Variants in FRMD3 observed in about 807,000 individuals in gnomAD.
FRMD3 encodes FERM domain-containing protein 3.
Under a neutral mutation model 70.2 loss-of-function variants are expected in FRMD3, and 33 were observed. That is an observed-to-expected ratio of 0.47 (90% confidence interval 0.36 to 0.63). The LOEUF is 0.63. Ranked by LOEUF, FRMD3 falls within the 20% of genes least tolerant of loss-of-function variation. FRMD3 has a pLI of 0.00. For synonymous variants in FRMD3, 279 were observed against 255.9 expected, an observed-to-expected ratio of 1.09 and a Z score of -0.86; for missense variants, 632 against 711.4, an observed-to-expected ratio of 0.89 and a Z score of 1.27.
At chr9:83,317,035 C>T (rs1342810174) in intron 6 of FRMD3, among the ~76,000 whole-genome samples, 1 of 151,902 alleles carries the variant, frequency 6.6e-6, no homozygotes, top group Non-Finnish European at 1.5e-5. Flanking sequence ...AAGGTCACTT[C>T]TAAAAAAATT....
intron 1 of FRMD3, among the ~76,000 whole-genome samples, chr9:83,430,405 T>A (rs79403803): frequency 0.038 from 5,766 of 152,250 alleles, 190 homozygotes; most frequent in East Asian, 0.16. Context: ...TCCCTGTACA[T>A]GTGTATAAGT....
At chr9:83,383,103 A>G (rs1825407052) in intron 2 of FRMD3, among the ~76,000 whole-genome samples, 1 of 152,120 alleles carries the variant, frequency 6.6e-6, no homozygotes, top group African/African-American at 2.4e-5. Context: ...GAGGGAGAGG[A>G]CCCCTGAGCC....
the FRMD3 span, among the ~76,000 whole-genome samples, chr9:83,577,362 T>C: frequency 6.6e-6 from 1 of 152,210 alleles, no homozygotes; most frequent in South Asian, 2.1e-4. Flanking sequence ...AGAATAGACA[T>C]GTAGATCCAT....
At chr9:83,569,396 A>G in the FRMD3 span, among the ~76,000 whole-genome samples, 3 of 152,100 alleles carry the variant, frequency 2.0e-5, no homozygotes, top group Admixed American at 2.0e-4. Flanking sequence ...CCCCAACCCA[A>G]TCTAAAGTGT....
chr9:83,459,363 C>A (rs139795919), intron 1 of FRMD3, among the ~76,000 whole-genome samples: 1 of 152,324 alleles, frequency 6.6e-6, no homozygotes, highest in East Asian at 1.9e-4. Context: ...CACAAGCAGA[C>A]ACATCTGCTA....
chr9:83,269,451 G>A (rs1160411845), intron 13 of FRMD3, among the ~76,000 whole-genome samples: 1 of 152,018 alleles, frequency 6.6e-6, no homozygotes, highest in Non-Finnish European at 1.5e-5. Flanking sequence ...CATTTTAAAA[G>A]TATTATTATC....
At chr9:83,532,317 A>G (rs1197001787) in intron 1 of FRMD3, among the ~76,000 whole-genome samples, 1 of 152,150 alleles carries the variant, frequency 6.6e-6, no homozygotes, top group Non-Finnish European at 1.5e-5. Flanking sequence ...GAACAAGCAT[A>G]AAGTTTGTCT....
At chr9:83,266,291 C>T (rs1006604974) in intron 13 of FRMD3, among the ~76,000 whole-genome samples, 5 of 152,174 alleles carry the variant, frequency 3.3e-5, no homozygotes, top group Admixed American at 6.5e-5. Context: ...TCAATTTCGT[C>T]TCAATTCACT....
chr9:83,340,390 T>C (rs1823716610), intron 5 of FRMD3, among the ~76,000 whole-genome samples: 1 of 152,226 alleles, frequency 6.6e-6, no homozygotes. Context: ...ACTCAAGATC[T>C]AAGTGTTTGC....
chr9:83,568,314 AT>A, the FRMD3 span, among the ~76,000 whole-genome samples: 1 of 152,162 alleles, frequency 6.6e-6, no homozygotes, highest in Non-Finnish European at 1.5e-5. Flanking sequence ...TCAAGTAGAG[AT>A]TTAGGTGGGG....
At chr9:83,398,923 T>G (rs1825876613) in intron 1 of FRMD3, among the ~76,000 whole-genome samples, 1 of 152,120 alleles carries the variant, frequency 6.6e-6, no homozygotes, top group African/African-American at 2.4e-5. Context: ...AAGTGAGCAC[T>G]GGATACAAAA....
intron 1 of FRMD3, among the ~76,000 whole-genome samples, chr9:83,513,631 A>G (rs1276968181): frequency 6.6e-6 from 1 of 152,256 alleles, no homozygotes; most frequent in Non-Finnish European, 1.5e-5. Context: ...ATAATGCCTT[A>G]TCATGAAGTA....
chr9:83,460,495 C>T (rs1163504211), intron 1 of FRMD3, among the ~76,000 whole-genome samples: 1 of 152,174 alleles, frequency 6.6e-6, no homozygotes, highest in Admixed American at 6.5e-5. Flanking sequence ...GCCCATAGGT[C>T]CCAAGCAGTT....
At chr9:83,569,273 C>T in the FRMD3 span, among the ~76,000 whole-genome samples, 1 of 152,204 alleles carries the variant, frequency 6.6e-6, no homozygotes, top group Middle Eastern at 3.2e-3. Flanking sequence ...TTTAAAAATG[C>T]ATACCATCTA....
At chr9:83,335,662 G>A in intron 5 of FRMD3, 23 bp from the exon 6 acceptor site, 2 of 1,605,138 alleles carry the variant, frequency 1.2e-6, no homozygotes, top group South Asian at 1.1e-5. Context: ...AAAAAATAAA[G>A]AGACAGAGAA....
chr9:83,566,373 T>C, the FRMD3 span, among the ~76,000 whole-genome samples: 1 of 152,268 alleles, frequency 6.6e-6, no homozygotes, highest in East Asian at 1.9e-4. Flanking sequence ...AAAATTCAAG[T>C]TGAGATTTGA....
chr9:83,509,679 C>T (rs1829291710), intron 1 of FRMD3, among the ~76,000 whole-genome samples: 1 of 152,186 alleles, frequency 6.6e-6, no homozygotes, highest in African/African-American at 2.4e-5. Flanking sequence ...CTTTCTCCCA[C>T]AACAAAACAG....
At chr9:83,419,617 G>A (rs1410489877) in intron 1 of FRMD3, among the ~76,000 whole-genome samples, 1 of 151,734 alleles carries the variant, frequency 6.6e-6, no homozygotes, top group East Asian at 1.9e-4. Flanking sequence ...TGATATGTGT[G>A]TGTTCATGTG....
intron 3 of FRMD3, among the ~76,000 whole-genome samples, chr9:83,372,246 A>G (rs974336662): frequency 1.3e-4 from 20 of 151,962 alleles, no homozygotes; most frequent in African/African-American, 4.6e-4. Context: ...ACATCATGTC[A>G]CCCAGGACTA....
Sources: gnomAD v4.1 joint callset for allele counts (sites outside exome capture counted in the v4.1 genomes callset) on GRCh38, gnomAD v4.1.1 for gene constraint, MANE v1.5 for transcripts, NCBI Gene and HGNC (gene_info 2026-07-23, HGNC 2026-07-21) for gene names.